ITK: variants seen among roughly 807,000 people sequenced by gnomAD.
ITK encodes tyrosine-protein kinase ITK/TSK.
ITK carries 45 observed loss-of-function variants against 87.6 expected under a neutral mutation model. The observed-to-expected ratio is 0.51, with a 90% CI of 0.40 to 0.66. The LOEUF (loss-of-function observed/expected upper bound fraction) is 0.66, where lower values mean the gene tolerates loss of function less well. ITK is among the 30% of genes least tolerant of loss of function. The pLI is 0.00. For missense variants in ITK, 605 were observed against 766.3 expected, an observed-to-expected ratio of 0.79 and a Z score of 2.48; for synonymous variants, 303 against 273.6, an observed-to-expected ratio of 1.11 and a Z score of -1.06.
chr5:157,209,200 C>T (rs1434910831), intron 2 of ITK, among the ~76,000 whole-genome samples: 4 of 151,920 alleles, frequency 2.6e-5, no homozygotes, highest in East Asian at 1.9e-4. Context: ...GGCGTACTGG[C>T]GGGCGCCTGT....
At position 157,248,887 on chromosome 5, in the gene ITK, C is replaced by A. The variant is rs984297988; in HGVS notation, c.1671C>A (p.Ile557=). 4 of 1,613,802 alleles carry A rather than the reference C, an allele frequency of 2.5e-6. No homozygotes were observed. The African/African-American group carries it at 5.3e-5, about 22-fold the overall frequency. ...LMWEVFSEGK[I]PYENRSNSEV... ...GGGAAGTTTTCAGTGAAGGCAAAAT[C>A]CCGTATGAAAACCGAAGCAACTCAG... Residue 557 remains isoleucine, a synonymous_variant, in exon 16 of 17, where the codon ATC becomes ATA. Transcript: ENST00000422843.
In ITK at chr5:157,234,497, A is replaced by G. The variant is rs185886464; in HGVS notation, c.768+2103A>G. 1.2e-3 allele frequency among the ~76,000 whole-genome samples: 183 copies of G among 152,270 alleles called. 1 individual carries two copies. The highest frequency in any genetic ancestry group is 4.0e-3 in the African/African-American group (168 of 41,534). Reference sequence around the variant, plus strand: ...TTTAGAGTCTTTTTATCTAATAAGTATAGGACCTTTAAGAGATGAATTCCT... The same window carrying G: ...TTTAGAGTCTTTTTATCTAATAAGTGTAGGACCTTTAAGAGATGAATTCCT... On this transcript the variant is annotated intron_variant, in intron 8 of 16. Coordinates refer to ENST00000422843, the MANE Select transcript of ITK (RefSeq NM_005546.4).
intron 8 of ITK, among the ~76,000 whole-genome samples, chr5:157,236,682 C>CA (rs1395624997): frequency 1.3e-5 from 2 of 152,122 alleles, no homozygotes; most frequent in African/African-American, 4.8e-5. Flanking sequence ...GGGGTAGGAA[C>CA]AGAGTGTTAG....
intron 1 of ITK, among the ~76,000 whole-genome samples, chr5:157,185,910 C>G (rs931176617): frequency 1.3e-5 from 2 of 152,104 alleles, no homozygotes; most frequent in African/African-American, 4.8e-5. Flanking sequence ...ATGGAGGTCA[C>G]CTTTATTCTC....
intron 7 of ITK, among the ~76,000 whole-genome samples, chr5:157,231,465 A>T (rs777785083): frequency 3.9e-4 from 59 of 152,180 alleles, no homozygotes; most frequent in Non-Finnish European, 6.5e-4. Context: ...TGTTGGTGTC[A>T]TGTACTGTTC....
chr5:157,212,779 G>A (rs1170229645), intron 3 of ITK, among the ~76,000 whole-genome samples: 1 of 151,970 alleles, frequency 6.6e-6, no homozygotes, highest in Non-Finnish European at 1.5e-5. Flanking sequence ...CTGAGCCTGG[G>A]AGGTCAAGGC....
intron 1 of ITK, among the ~76,000 whole-genome samples, chr5:157,196,954 T>C (rs1165327436): frequency 1.3e-5 from 2 of 152,216 alleles, no homozygotes; most frequent in Middle Eastern, 3.2e-3. Flanking sequence ...ATCTACTTTA[T>C]GCTTGGAAAA....
chr5:157,219,588 C>T (rs1295718910), intron 5 of ITK, among the ~76,000 whole-genome samples: 1 of 152,202 alleles, frequency 6.6e-6, no homozygotes, highest in Admixed American at 6.5e-5. Context: ...TCTAAATCCT[C>T]AAAGCCCCAG....
chr5:157,187,785 G>A (rs574645837), intron 1 of ITK, among the ~76,000 whole-genome samples: 5 of 151,968 alleles, frequency 3.3e-5, no homozygotes, highest in African/African-American at 1.2e-4. Flanking sequence ...TACAGCTAAA[G>A]CCTCCGTAGA....
chr5:157,189,330 G>T (rs1166861446), intron 1 of ITK, among the ~76,000 whole-genome samples: 4 of 152,176 alleles, frequency 2.6e-5, no homozygotes, highest in African/African-American at 9.7e-5. Context: ...AGCCCACAGA[G>T]AAATACTATA....
chr5:157,251,246 T>C (rs1324828541), intron 16 of ITK, among the ~76,000 whole-genome samples: 4 of 152,262 alleles, frequency 2.6e-5, no homozygotes, highest in African/African-American at 9.6e-5. Context: ...ATTTTCCTAA[T>C]GACATATGAT....
intron 2 of ITK, among the ~76,000 whole-genome samples, chr5:157,209,263 CAG>C (rs1762254680): frequency 6.6e-6 from 1 of 150,642 alleles, no homozygotes; most frequent in Non-Finnish European, 1.5e-5. Flanking sequence ...ACCCAGGAGG[CAG>C]AGTTTTCAGT....
chr5:157,209,182 A>C (rs915772717), intron 2 of ITK, among the ~76,000 whole-genome samples, 189 bp downstream of exon 2: 24 of 152,116 alleles, frequency 1.6e-4, no homozygotes, highest in African/African-American at 5.8e-4. Context: ...AATACAAAAA[A>C]TTAGCTGGGC....
intron 16 of ITK, among the ~76,000 whole-genome samples, chr5:157,251,439 T>G (rs1207125117): frequency 6.6e-6 from 1 of 152,228 alleles, no homozygotes; most frequent in Non-Finnish European, 1.5e-5. Context: ...TTTCTCCTAG[T>G]CTGTGGCATG....
chr5:157,193,800 C>T (rs1044550170), intron 1 of ITK, among the ~76,000 whole-genome samples: 2 of 152,084 alleles, frequency 1.3e-5, no homozygotes, highest in Non-Finnish European at 2.9e-5. Flanking sequence ...GGTGTTGAGT[C>T]GGGACCAGCA....
In ITK at chr5:157,236,243, C is replaced by T. The variant is rs547341047; in HGVS notation, c.769-1866C>T. On this transcript the variant is annotated intron_variant, in intron 8 of 16. Transcript: ENST00000422843. ...ACAAAAAATTAGCCAGGCGTGGTGG[C>T]GGGCACCTGTAATTCCAGCTACTTG... is the stretch of plus-strand genomic sequence containing the variant. 7.2e-5 allele frequency among the ~76,000 whole-genome samples: 11 copies of T among 152,118 alleles called. No homozygotes were observed. In the South Asian group the frequency reaches 1.9e-3, roughly 26 times the overall value.
At chr5:157,240,236 G>T (rs761893928) in intron 10 of ITK, 41 bp downstream of exon 10, 1 of 1,591,536 alleles carries the variant, frequency 6.3e-7, no homozygotes, top group Non-Finnish European at 8.6e-7. Context: ...CGCCCAGCAG[G>T]AGGTGAGCAG....
At chr5:157,218,630 C>T (rs951825409) in intron 5 of ITK, among the ~76,000 whole-genome samples, 6 of 151,978 alleles carry the variant, frequency 3.9e-5, no homozygotes, top group African/African-American at 1.4e-4. Context: ...TATTTTAAAA[C>T]TTACTATCCG....
At position 157,237,016 on chromosome 5, in the gene ITK, A is replaced by C. The variant is rs547086407; in HGVS notation, c.769-1093A>C. ...GGAAAGCAGTTTGGTGATTTCTCAA[A>C]AAACTAAAAATAAAATTATTATTCA... On this transcript the variant is annotated intron_variant, in intron 8 of 16. Transcript: ENST00000422843. 2.0e-5 allele frequency among the ~76,000 whole-genome samples: 3 copies of C among 152,362 alleles called. No homozygotes were observed. The East Asian group carries it at 5.8e-4, about 29-fold the overall frequency.
Sources: gnomAD v4.1 joint callset for allele counts (sites outside exome capture counted in the v4.1 genomes callset) on GRCh38, gnomAD v4.1.1 for gene constraint, MANE v1.5 for transcripts, NCBI Gene and HGNC (gene_info 2026-07-23, HGNC 2026-07-21) for gene names.